SOS1: variants seen among roughly 807,000 people sequenced by gnomAD.
SOS1 encodes son of sevenless homolog 1.
SOS1 carries 25 observed loss-of-function variants against 157.6 expected under a neutral mutation model. That is an observed-to-expected ratio of 0.16 (90% CI 0.12 to 0.22). SOS1 has a LOEUF of 0.22. Among genes scored for constraint, SOS1 ranks in the 10% least tolerant of loss-of-function variants. SOS1 has a pLI of 1.00. For synonymous variants in SOS1, 528 were observed against 534.0 expected, an observed-to-expected ratio of 0.99 and a Z score of 0.16; for missense variants, 1,237 against 1,599.1, an observed-to-expected ratio of 0.77 and a Z score of 3.86.
At chr2:39,076,523 T>C in intron 1 of SOS1, among the ~76,000 whole-genome samples, 1 of 152,224 alleles carries the variant, frequency 6.6e-6, no homozygotes, top group Admixed American at 6.5e-5. Flanking sequence ...CTTTTGTGAT[T>C]CTCACATTAA....
chr2:39,115,958 T>C (rs1673634585), intron 1 of SOS1, among the ~76,000 whole-genome samples: 1 of 152,274 alleles, frequency 6.6e-6, no homozygotes, highest in African/African-American at 2.4e-5. Flanking sequence ...CAACAACCAA[T>C]AGTATTCCAC....
chr2:39,123,643 C>A (rs1467630320), upstream of SOS1, among the ~76,000 whole-genome samples: 4 of 150,558 alleles, frequency 2.7e-5, no homozygotes, highest in South Asian at 8.4e-4. Context: ...CAGGCGTGAG[C>A]CACCGCGCCC....
chr2:39,117,584 A>T (rs1022478097), intron 1 of SOS1, among the ~76,000 whole-genome samples: 1 of 152,218 alleles, frequency 6.6e-6, no homozygotes, highest in Non-Finnish European at 1.5e-5. Context: ...TTCTATGCTA[A>T]AAAGTGCACT....
chr2:39,108,082 CA>C (rs1464835180), intron 1 of SOS1, among the ~76,000 whole-genome samples: 3 of 152,304 alleles, frequency 2.0e-5, no homozygotes, highest in East Asian at 3.9e-4. Flanking sequence ...TCACCATCCC[CA>C]CTTAGACACC....
chr2:39,114,034 T>C (rs1673545388), intron 1 of SOS1, among the ~76,000 whole-genome samples: 1 of 152,224 alleles, frequency 6.6e-6, no homozygotes, highest in Non-Finnish European at 1.5e-5. Flanking sequence ...TTAACACTTT[T>C]CAGGCCCTTT....
intron 6 of SOS1, among the ~76,000 whole-genome samples, chr2:39,049,892 G>C (rs1670946263): frequency 6.6e-6 from 1 of 152,126 alleles, no homozygotes; most frequent in African/African-American, 2.4e-5. Context: ...CTGTTATAAG[G>C]AGGGACTTGA....
intron 8 of SOS1, among the ~76,000 whole-genome samples, chr2:39,026,907 T>C (rs1405519691): frequency 6.6e-6 from 1 of 152,226 alleles, no homozygotes; most frequent in Non-Finnish European, 1.5e-5. Context: ...TAAGAAAGTT[T>C]ACAAATTTGT....
intron 2 of SOS1, among the ~76,000 whole-genome samples, chr2:39,065,043 C>T (rs931019832): frequency 1.3e-5 from 2 of 151,942 alleles, no homozygotes; most frequent in African/African-American, 4.8e-5. Flanking sequence ...CAGGTGTGGG[C>T]CACTATGCCC....
intron 2 of SOS1, among the ~76,000 whole-genome samples, chr2:39,064,408 G>A (rs1671517835): frequency 6.6e-6 from 1 of 152,064 alleles, no homozygotes; most frequent in Non-Finnish European, 1.5e-5. Context: ...CATAGCAAAT[G>A]GTGCCTTACA....
intron 2 of SOS1, among the ~76,000 whole-genome samples, chr2:39,059,346 A>G (rs1393484730): frequency 6.6e-6 from 1 of 152,212 alleles, no homozygotes. Context: ...GTCCTCCCAT[A>G]GTCATTCGTT....
intron 1 of SOS1, among the ~76,000 whole-genome samples, chr2:39,086,185 AG>A (rs1365934569): frequency 1.3e-5 from 2 of 152,206 alleles, no homozygotes; most frequent in Non-Finnish European, 2.9e-5. Context: ...GGTTCGGAAA[AG>A]ATTAAAGTTG....
At chr2:39,047,838 T>C (rs1209807830) in intron 6 of SOS1, among the ~76,000 whole-genome samples, 1 of 152,136 alleles carries the variant, frequency 6.6e-6, no homozygotes, top group Non-Finnish European at 1.5e-5. Context: ...CACCCTAATT[T>C]TGTATTTTTA....
chr2:39,043,569 G>A (rs1248450130), intron 6 of SOS1, among the ~76,000 whole-genome samples: 5 of 152,140 alleles, frequency 3.3e-5, no homozygotes, highest in African/African-American at 1.2e-4. Flanking sequence ...ACCTGAGACT[G>A]GGTAATTCAT....
Position 39,112,654 on chromosome 2 carries a change from T to C in SOS1, c.87+7682A>G, listed in dbSNP as rs1485830247. 3.9e-5 allele frequency among the ~76,000 whole-genome samples: 6 copies of C among 152,238 alleles called. No homozygotes were observed. In the East Asian group the frequency reaches 1.2e-3, roughly 29 times the overall value. On this transcript the variant is annotated intron_variant, in intron 1 of 22. Transcript: ENST00000402219. ...GCTCCTCTACACTCCACAGCAGCAA[T>C]TCCCAGACTTCATTATTCCTTCTAA...
intron 1 of SOS1, among the ~76,000 whole-genome samples, chr2:39,072,259 C>T (rs953306540): frequency 6.6e-6 from 1 of 152,134 alleles, no homozygotes; most frequent in Non-Finnish European, 1.5e-5. Flanking sequence ...GATGTTCCAA[C>T]TGGGCAGGGC....
rs1269156440 is a variant in SOS1, at chr2:38,981,605, C to T, written c.*4219G>A. The T allele has an allele frequency of 6.6e-6, 1 of 151,786 alleles. No homozygotes were observed. Among genetic ancestry groups the T allele is most frequent in the East Asian group, 1.9e-4 (1 of 5,182 alleles). The allele number at this position is 151,786 out of a possible 1,614,324, so 9.4% of individuals were successfully genotyped here. On this transcript the variant is annotated 3_prime_UTR_variant, in exon 23 of 23. Transcript: ENST00000402219. ...ATTTTTCAGTTTATCTTAGTAATGC[C>T]AGAAAAATAACAGCCGTTATTTTCA...
chr2:39,023,159 G>A lies in SOS1; in HGVS notation c.1269C>T (p.Asn423=), dbSNP rs138459502. 62 of 1,612,782 alleles carry A rather than the reference G, an allele frequency of 3.8e-5. No individual in the cohort carries two copies. The highest frequency in any genetic ancestry group is 3.6e-4 in the South Asian group (33 of 90,928). ...KGKQLAIKKM[N]EIQKNIDGWE... is the part of the protein sequence containing the mutation. ...AACCATCAATATTCTTCTGAATCTC[G>A]TTCATCTTCTTGATTGCTAGTTGTT... Residue 423 remains asparagine, a synonymous_variant, in exon 10 of 23, where the codon AAC becomes AAT. Transcript: ENST00000402219.
intron 10 of SOS1, among the ~76,000 whole-genome samples, chr2:39,018,493 C>A (rs926202410): frequency 6.6e-6 from 1 of 151,720 alleles, no homozygotes; most frequent in African/African-American, 2.4e-5. Context: ...TTTTTTTCTG[C>A]TGACCTTCTG....
At chr2:39,019,994 T>C (rs1669747679) in intron 10 of SOS1, among the ~76,000 whole-genome samples, 2 of 151,680 alleles carry the variant, frequency 1.3e-5, no homozygotes, top group South Asian at 4.1e-4. Flanking sequence ...TATTAACACA[T>C]ATAATTAAAA....
Sources: allele counts gnomAD v4.1 joint callset (sites outside exome capture counted in the v4.1 genomes callset), GRCh38; gene constraint gnomAD v4.1.1; transcripts MANE v1.5; gene names NCBI Gene and HGNC (gene_info 2026-07-23, HGNC 2026-07-21).